Variants in SYT16 observed in about 807,000 individuals in gnomAD.
SYT16 encodes synaptotagmin-16.
Under a neutral mutation model 61.4 loss-of-function variants are expected in SYT16, and 42 were observed. That is an observed-to-expected ratio of 0.68 (90% CI 0.53 to 0.89). The LOEUF is 0.89. Among genes scored for constraint, SYT16 ranks in the 40% least tolerant of loss-of-function variants. The pLI is 0.00. For synonymous variants in SYT16, 314 were observed against 302.3 expected (o/e 1.04, Z -0.40); for missense variants, 804 against 807.3 (o/e 1.00, Z 0.05).
At chr14:61,992,642 A>G (rs917206780) in intron 2 of SYT16, among the ~76,000 whole-genome samples, 1 of 151,988 alleles carries the variant, frequency 6.6e-6, no homozygotes, top group Non-Finnish European at 1.5e-5. Context: ...AATTATTATT[A>G]TTGTTTTTTT....
intron 7 of SYT16, among the ~76,000 whole-genome samples, chr14:62,087,548 G>A (rs2056928358): frequency 6.6e-6 from 1 of 152,218 alleles, no homozygotes; most frequent in Non-Finnish European, 1.5e-5. Context: ...TTGAGCCTGA[G>A]TGTTAGGAAC....
chr14:61,865,695 A>G (rs759794524), intron 1 of SYT16, among the ~76,000 whole-genome samples: 5 of 152,244 alleles, frequency 3.3e-5, no homozygotes, highest in Admixed American at 6.5e-5. Flanking sequence ...AAAGAGTTTT[A>G]AAAATTGTTA....
chr14:61,928,418 A>G lies in SYT16; in HGVS notation c.-324-41714A>G, dbSNP rs150708253. 1.4e-4 allele frequency among the ~76,000 whole-genome samples: 21 copies of G among 152,362 alleles called. No homozygotes were observed. The East Asian group carries it at 4.1e-3, about 29-fold the overall frequency. On this transcript the variant is annotated intron_variant, in intron 1 of 7. Coordinates refer to ENST00000683842, the MANE Select transcript of SYT16 (RefSeq NM_001367656.1). ...CTTGTTCTTGTTTTCAGCTTTTAAC[A>G]TAGTCTTGACCTTGGCATATATGTC... is the stretch of plus-strand genomic sequence containing the variant.
intron 3 of SYT16, among the ~76,000 whole-genome samples, chr14:62,033,283 A>T (rs890332819): frequency 2.5e-4 from 38 of 152,188 alleles, no homozygotes; most frequent in Admixed American, 3.9e-4. Flanking sequence ...TTTTCTCCTG[A>T]AAGTCAAAGT....
At chr14:61,931,708 T>C (rs2049777079) in intron 1 of SYT16, among the ~76,000 whole-genome samples, 2 of 152,222 alleles carry the variant, frequency 1.3e-5, no homozygotes, top group Admixed American at 1.3e-4. Flanking sequence ...ATTAATATCT[T>C]TGCTGTATCC....
At chr14:62,038,400 C>T (rs1430815079) in intron 3 of SYT16, among the ~76,000 whole-genome samples, 1 of 151,816 alleles carries the variant, frequency 6.6e-6, no homozygotes, top group Non-Finnish European at 1.5e-5. Flanking sequence ...TGCATGGGCC[C>T]TGGAGAAACC....
chr14:61,832,517 A>G (rs1594716433), intron 1 of SYT16: 2 of 267,440 alleles, frequency 7.5e-6, no homozygotes, highest in East Asian at 9.3e-5. Context: ...GCTCACTGCA[A>G]CCTCCGCCTC....
At chr14:61,814,489 A>G (rs1378942988) in intron 1 of SYT16, among the ~76,000 whole-genome samples, 1 of 152,240 alleles carries the variant, frequency 6.6e-6, no homozygotes, top group Non-Finnish European at 1.5e-5. Context: ...TTAAGATGAT[A>G]CATTTAGTAC....
At chr14:62,096,053 C>A (rs937775911) in intron 7 of SYT16, among the ~76,000 whole-genome samples, 2 of 151,838 alleles carry the variant, frequency 1.3e-5, no homozygotes, top group Non-Finnish European at 2.9e-5. Context: ...AAATTTAGAT[C>A]CCTACCTCAC....
At chr14:61,938,026 A>AACACACACAC (rs3071213) in intron 1 of SYT16, among the ~76,000 whole-genome samples, 6,862 of 135,630 alleles carry the variant, frequency 0.051, 260 homozygotes, top group African/African-American at 0.094. Flanking sequence ...CCTACCCCGC[A>AACACACACAC]ACACACACAC....
At chr14:62,097,893 A>G (rs1595409319) in intron 7 of SYT16, among the ~76,000 whole-genome samples, 1 of 152,332 alleles carries the variant, frequency 6.6e-6, no homozygotes, top group Middle Eastern at 3.4e-3. Context: ...ACTGGACTGA[A>G]CTTTTTCTAC....
At position 61,817,023 on chromosome 14, in the gene SYT16, AC is replaced by A. The variant is rs201512616; in HGVS notation, c.-325+4214del. On this transcript the variant is annotated intron_variant, in intron 1 of 7. Transcript: ENST00000683842. ...GAGGCTCCGTCACACACACACACAC[AC>A]ACACAAAAAAAGCATTTTCCCCAAA... Among the ~76,000 whole-genome samples, 514 of 150,152 alleles carry A rather than the reference AC, an allele frequency of 3.4e-3. 5 individuals are homozygous for A. Among genetic ancestry groups the A allele is most frequent in the African/African-American group, 6.1e-3 (246 of 40,604 alleles).
At position 62,092,307 on chromosome 14, in the gene SYT16, T is replaced by C. The variant is rs151139672; in HGVS notation, c.1624+7922T>C. On this transcript the variant is annotated intron_variant, in intron 7 of 7. Coordinates refer to ENST00000683842, the MANE Select transcript of SYT16 (RefSeq NM_001367656.1). ...GGAATGTAAAATGGTACAGCTCCTA[T>C]GGAAAACAGTATGACAGTTCCTGAA... Among the ~76,000 whole-genome samples, 586 of 152,006 alleles carry C rather than the reference T, an allele frequency of 3.9e-3. 6 individuals are homozygous for C. Among genetic ancestry groups the C allele is most frequent in the African/African-American group, 0.013 (553 of 41,472 alleles).
intron 7 of SYT16, among the ~76,000 whole-genome samples, chr14:62,086,231 C>T (rs781505575): frequency 2.2e-4 from 33 of 152,138 alleles, no homozygotes; most frequent in Admixed American, 2.0e-4. Flanking sequence ...GTAATCCCAG[C>T]GCTTTGGGAG....
intron 1 of SYT16, among the ~76,000 whole-genome samples, chr14:61,954,969 AC>A (rs993951242): frequency 1.1e-3 from 162 of 152,210 alleles, no homozygotes; most frequent in African/African-American, 3.8e-3. Flanking sequence ...TGAATTTAAA[AC>A]TTTTTTTGAG....
chr14:62,096,416 A>G (rs930496866), intron 7 of SYT16, among the ~76,000 whole-genome samples: 4 of 152,106 alleles, frequency 2.6e-5, no homozygotes, highest in Non-Finnish European at 5.9e-5. Context: ...GTTCACTGAA[A>G]TCTTTTTAAT....
At chr14:61,888,365 G>T (rs999274004) in intron 1 of SYT16, among the ~76,000 whole-genome samples, 33 of 152,004 alleles carry the variant, frequency 2.2e-4, no homozygotes, top group South Asian at 4.2e-4. Flanking sequence ...AGATCTGCCC[G>T]CCTTGGTCTC....
intron 1 of SYT16, among the ~76,000 whole-genome samples, chr14:61,915,988 CT>C (rs1231370269): frequency 6.6e-6 from 1 of 152,174 alleles, no homozygotes; most frequent in African/African-American, 2.4e-5. Flanking sequence ...TCTTGTGTTC[CT>C]TGATACAGTG....
chr14:62,022,898 G>C (rs1392997398), intron 3 of SYT16, among the ~76,000 whole-genome samples: 1 of 152,078 alleles, frequency 6.6e-6, no homozygotes, highest in African/African-American at 2.4e-5. Flanking sequence ...TTCCATTTGA[G>C]TCCCCTTATA....
Sources: gnomAD v4.1 joint callset for allele counts (sites outside exome capture counted in the v4.1 genomes callset) on GRCh38, gnomAD v4.1.1 for gene constraint, MANE v1.5 for transcripts, NCBI Gene and HGNC (gene_info 2026-07-23, HGNC 2026-07-21) for gene names.